The following SPON1 variants were observed in gnomAD, a reference collection of about 807,000 sequenced individuals.
SPON1 encodes spondin-1.
A neutral mutation model predicts 111.7 loss-of-function variants in SPON1; 52 were observed. That is an observed-to-expected ratio of 0.47 (90% CI 0.37 to 0.59). SPON1 has a LOEUF of 0.59. SPON1 is among the 20% of genes least tolerant of loss of function. SPON1 has a pLI of 0.00. For synonymous variants in SPON1, 410 were observed against 395.8 expected, an observed-to-expected ratio of 1.04 and a Z score of -0.43; for missense variants, 957 against 1,068.5, an observed-to-expected ratio of 0.90 and a Z score of 1.46.
At chr11:14,227,852 C>T (rs1848757407) in intron 6 of SPON1, among the ~76,000 whole-genome samples, 1 of 152,156 alleles carries the variant, frequency 6.6e-6, no homozygotes, top group African/African-American at 2.4e-5. Flanking sequence ...TAAATAATTC[C>T]CAAACCTGCG....
chr11:13,980,584 G>A (rs375081066), intron 1 of SPON1, among the ~76,000 whole-genome samples: 2 of 151,884 alleles, frequency 1.3e-5, no homozygotes, highest in Non-Finnish European at 2.9e-5. Context: ...GGGTACATGT[G>A]CACAACGTGC....
chr11:14,151,357 T>A (rs2133868518), intron 6 of SPON1, among the ~76,000 whole-genome samples: 1 of 152,154 alleles, frequency 6.6e-6, no homozygotes, highest in Non-Finnish European at 1.5e-5. Context: ...CAAAGAAAGG[T>A]GGAGTCCTTT....
At chr11:14,154,479 G>A (rs1037363515) in intron 6 of SPON1, among the ~76,000 whole-genome samples, 1 of 152,252 alleles carries the variant, frequency 6.6e-6, no homozygotes. Context: ...GAGCTAGAGA[G>A]GCTAGGATGC....
rs782167243 is a variant in SPON1, at chr11:13,962,892, G to A, written c.-13G>A. 13 of 1,496,046 alleles carry A rather than the reference G, an allele frequency of 8.7e-6. No individual in the cohort carries two copies. In the African/African-American group the frequency reaches 1.4e-4, roughly 17 times the overall value. The allele number at this position is 1,496,046 out of a possible 1,614,324, so 92.7% of individuals were successfully genotyped here. On this transcript the variant is annotated 5_prime_UTR_variant, in exon 1 of 16. Coordinates refer to ENST00000576479, the MANE Select transcript of SPON1 (RefSeq NM_006108.4). ...AGGCCTGCGGCCGCGGCACAAAGTTGGGGGCCGCGAAGATGAGGCTGTCCC... is the reference window on the plus strand; with the variant it reads ...AGGCCTGCGGCCGCGGCACAAAGTTAGGGGCCGCGAAGATGAGGCTGTCCC...
intron 6 of SPON1, among the ~76,000 whole-genome samples, chr11:14,223,255 T>C (rs1554937763): frequency 6.6e-6 from 1 of 152,114 alleles, no homozygotes; most frequent in African/African-American, 2.4e-5. Context: ...TCCCAGCTAC[T>C]TAGGAGGCTG....
rs191535825 is a variant in SPON1, at chr11:14,098,885, A to G, written c.676+18864A>G. 1.1e-4 allele frequency among the ~76,000 whole-genome samples: 17 copies of G among 152,302 alleles called. No homozygotes were observed. In the East Asian group the frequency reaches 3.1e-3, roughly 28 times the overall value. The stretch of plus-strand genomic sequence containing the variant: ...GGTAATCCATTAGTATTGTCATTAA[A>G]TTCTTCAGATCTACATGCAAGAGTG... On this transcript the variant is annotated intron_variant, in intron 5 of 15. Coordinates refer to ENST00000576479, the MANE Select transcript of SPON1 (RefSeq NM_006108.4).
intron 1 of SPON1, among the ~76,000 whole-genome samples, chr11:13,964,238 C>T (rs1847998215): frequency 1.3e-5 from 2 of 152,238 alleles, no homozygotes; most frequent in Non-Finnish European, 2.9e-5. Context: ...ACCTTAGCTC[C>T]CGCCAGGGAG....
At chr11:14,145,838 A>G (rs1847711156) in intron 6 of SPON1, among the ~76,000 whole-genome samples, 1 of 152,180 alleles carries the variant, frequency 6.6e-6, no homozygotes, top group Admixed American at 6.6e-5. Flanking sequence ...AATACCATGC[A>G]GCTATTAAAA....
At chr11:14,156,215 G>A (rs1163984308) in intron 6 of SPON1, among the ~76,000 whole-genome samples, 1 of 144,936 alleles carries the variant, frequency 6.9e-6, no homozygotes, top group African/African-American at 2.5e-5. Context: ...ATCTCATTGT[G>A]GTTTTGATTT....
At chr11:14,248,334 G>C (rs1469990680) in intron 7 of SPON1, among the ~76,000 whole-genome samples, 8 of 152,090 alleles carry the variant, frequency 5.3e-5, no homozygotes, top group Non-Finnish European at 1.2e-4. Flanking sequence ...AAGAGAACCT[G>C]GCTCCAAGGG....
intron 14 of SPON1, among the ~76,000 whole-genome samples, chr11:14,261,324 CTGGTCTTCCAAGAGCTGCTTTTTTGGG>C (rs1849169362): frequency 6.6e-6 from 1 of 152,304 alleles, no homozygotes; most frequent in Admixed American, 6.5e-5. Context: ...GTTTCCTTGG[CTGGTCTTCCAAGAGCTGCTTTTTTGGG>C]TGGTAAAAGG....
intron 5 of SPON1, among the ~76,000 whole-genome samples, chr11:14,082,023 C>T (rs1848966244): frequency 6.6e-6 from 1 of 152,098 alleles, no homozygotes; most frequent in Admixed American, 6.5e-5. Flanking sequence ...GGAAAGAAAA[C>T]ATTTGGAACA....
chr11:13,983,842 C>A (rs563052185), intron 2 of SPON1, among the ~76,000 whole-genome samples: 2 of 152,254 alleles, frequency 1.3e-5, no homozygotes, highest in Non-Finnish European at 2.9e-5. Context: ...ATACTTATAC[C>A]CATAGCTGGC....
chr11:13,992,666 G>T (rs1554911331), intron 2 of SPON1, among the ~76,000 whole-genome samples: 2 of 152,182 alleles, frequency 1.3e-5, no homozygotes, highest in Non-Finnish European at 2.9e-5. Flanking sequence ...CCGGTTTTGT[G>T]CTTGAAACCC....
At chr11:14,027,023 C>A (rs1848523762) in intron 2 of SPON1, among the ~76,000 whole-genome samples, 1 of 152,164 alleles carries the variant, frequency 6.6e-6, no homozygotes, top group African/African-American at 2.4e-5. Flanking sequence ...AAGCTTGTGC[C>A]TCTGATAAAG....
intron 6 of SPON1, among the ~76,000 whole-genome samples, chr11:14,147,793 A>T (rs1416474300): frequency 2.0e-5 from 3 of 149,458 alleles, no homozygotes; most frequent in Non-Finnish European, 4.4e-5. Flanking sequence ...CAAAGGGCTA[A>T]TTTTTTTTTG....
intron 5 of SPON1, among the ~76,000 whole-genome samples, chr11:14,109,449 A>G (rs1849210808): frequency 6.6e-6 from 1 of 152,202 alleles, no homozygotes; most frequent in African/African-American, 2.4e-5. Context: ...CAATAACATA[A>G]ACACAGCTTA....
intron 5 of SPON1, among the ~76,000 whole-genome samples, chr11:14,104,261 T>C (rs1554924693): frequency 6.6e-6 from 1 of 152,142 alleles, no homozygotes; most frequent in Non-Finnish European, 1.5e-5. Flanking sequence ...AGCTTATACT[T>C]ATTTTAACCC....
At chr11:14,071,771 G>A (rs575822081) in intron 3 of SPON1, among the ~76,000 whole-genome samples, 2 of 152,184 alleles carry the variant, frequency 1.3e-5, no homozygotes, top group East Asian at 1.9e-4. Context: ...GAGTTCAGTG[G>A]TGCAATCTCA....
Sources: gnomAD v4.1 joint callset for allele counts (sites outside exome capture counted in the v4.1 genomes callset) on GRCh38, gnomAD v4.1.1 for gene constraint, MANE v1.5 for transcripts, NCBI Gene and HGNC (gene_info 2026-07-23, HGNC 2026-07-21) for gene names.